Variants in QTMAN observed in about 807,000 individuals in gnomAD.
QTMAN encodes tRNA-queuosine alpha-mannosyltransferase.
the QTMAN span, among the ~76,000 whole-genome samples, chr2:144,279,239 C>G: frequency 6.6e-6 from 1 of 152,038 alleles, no homozygotes; most frequent in Non-Finnish European, 1.5e-5. Flanking sequence ...GCTTATATAA[C>G]TTCAGCAGTC....
the QTMAN span, among the ~76,000 whole-genome samples, chr2:144,236,416 G>C: frequency 6.6e-6 from 1 of 152,030 alleles, no homozygotes. Context: ...TATACCCAAG[G>C]GTGCCTATCA....
chr2:144,107,685 G>A, the QTMAN span, among the ~76,000 whole-genome samples: 2 of 152,274 alleles, frequency 1.3e-5, no homozygotes, highest in Non-Finnish European at 2.9e-5. Flanking sequence ...ACAAGGAGGA[G>A]CTGGTACCAT....
At chr2:144,068,134 TACAC>T in the QTMAN span, among the ~76,000 whole-genome samples, 4 of 152,086 alleles carry the variant, frequency 2.6e-5, no homozygotes, top group Middle Eastern at 3.2e-3. Flanking sequence ...CATACACACA[TACAC>T]ACACACATAC....
the QTMAN span, chr2:143,952,684 TCCTG>T: frequency 1.5e-5 from 14 of 941,180 alleles, no homozygotes; most frequent in Non-Finnish European, 2.2e-5. Context: ...AAACAATTGC[TCCTG>T]CCTAAGTTTA....
the QTMAN span, among the ~76,000 whole-genome samples, chr2:144,077,389 G>A: frequency 6.6e-6 from 1 of 152,178 alleles, no homozygotes; most frequent in African/African-American, 2.4e-5. Flanking sequence ...GTGGTAAAAT[G>A]CAAAAGACAT....
chr2:144,190,440 T>C, the QTMAN span, among the ~76,000 whole-genome samples: 6 of 152,226 alleles, frequency 3.9e-5, no homozygotes, highest in Non-Finnish European at 7.3e-5. Flanking sequence ...AATAAGAATT[T>C]ATTTATTAGA....
chr2:144,055,995 G>C, the QTMAN span, among the ~76,000 whole-genome samples: 1 of 152,206 alleles, frequency 6.6e-6, no homozygotes, highest in Non-Finnish European at 1.5e-5. Flanking sequence ...TCACCTCTCT[G>C]TGACTCAATG....
chr2:144,163,972 G>A, the QTMAN span, among the ~76,000 whole-genome samples: 9,380 of 152,144 alleles, frequency 0.062, 411 homozygotes, highest in Admixed American at 0.15. Flanking sequence ...TCACCAGGCT[G>A]GAGTGCAGTG....
At chr2:144,123,940 T>C in the QTMAN span, among the ~76,000 whole-genome samples, 5 of 152,036 alleles carry the variant, frequency 3.3e-5, no homozygotes, top group Non-Finnish European at 4.4e-5. Context: ...ACAGATTACT[T>C]TAACCAAACT....
chr2:144,193,139 T>C, the QTMAN span, among the ~76,000 whole-genome samples: 1 of 152,048 alleles, frequency 6.6e-6, no homozygotes, highest in South Asian at 2.1e-4. Flanking sequence ...ACTATACACC[T>C]TTTATTTCTT....
chr2:144,070,868 T>G, the QTMAN span, among the ~76,000 whole-genome samples: 2 of 152,176 alleles, frequency 1.3e-5, no homozygotes, highest in Non-Finnish European at 2.9e-5. Context: ...GTCCAGCTCT[T>G]GTAGGAATAT....
the QTMAN span, chr2:144,319,974 A>T: frequency 1.3e-5 from 2 of 152,236 alleles, no homozygotes; most frequent in African/African-American, 4.8e-5. Context: ...TTGCCTGAAA[A>T]GGGTCAACAA....
chr2:143,986,219 G>A, the QTMAN span, among the ~76,000 whole-genome samples: 1 of 152,122 alleles, frequency 6.6e-6, no homozygotes, highest in African/African-American at 2.4e-5. Flanking sequence ...TTTTTACAGT[G>A]TATTATTTAA....
the QTMAN span, among the ~76,000 whole-genome samples, chr2:144,016,146 A>G: frequency 6.6e-6 from 1 of 152,214 alleles, no homozygotes; most frequent in African/African-American, 2.4e-5. Context: ...TTCTATGTGC[A>G]AGAGGTTGTA....
chr2:143,973,706 A>G, the QTMAN span, among the ~76,000 whole-genome samples: 7 of 151,818 alleles, frequency 4.6e-5, no homozygotes, highest in South Asian at 2.1e-4. Context: ...GGAGAATGGC[A>G]TGAACCCGGG....
At chr2:144,145,693 G>A in the QTMAN span, 2 of 1,611,516 alleles carry the variant, frequency 1.2e-6, no homozygotes, top group Non-Finnish European at 1.7e-6. Context: ...TCAGGCCGAA[G>A]GGCAGCCAGT....
At chr2:144,308,869 C>G in the QTMAN span, among the ~76,000 whole-genome samples, 3 of 152,096 alleles carry the variant, frequency 2.0e-5, no homozygotes, top group Non-Finnish European at 1.5e-5. Flanking sequence ...GAGAAAACAT[C>G]TAACAAGAAC....
chr2:143,966,702 T>C, the QTMAN span, among the ~76,000 whole-genome samples: 1 of 152,246 alleles, frequency 6.6e-6, no homozygotes, highest in Non-Finnish European at 1.5e-5. Flanking sequence ...ACTGTAGCAC[T>C]ATAAATTGTA....
chr2:144,006,498 A>G, the QTMAN span: 1 of 152,150 alleles, frequency 6.6e-6, no homozygotes, highest in Non-Finnish European at 1.5e-5. Flanking sequence ...GGAGGAATAA[A>G]AACTAGATTA....
Sources: gnomAD v4.1 joint callset for allele counts (sites outside exome capture counted in the v4.1 genomes callset) on GRCh38, gnomAD v4.1.1 for gene constraint, MANE v1.5 for transcripts, NCBI Gene and HGNC (gene_info 2026-07-23, HGNC 2026-07-21) for gene names.